The following OPCML variants were observed in gnomAD, a reference collection of about 807,000 sequenced individuals.
OPCML encodes opioid-binding protein/cell adhesion molecule.
A neutral mutation model predicts 37.8 loss-of-function variants in OPCML; 13 were observed. That is an observed-to-expected ratio of 0.34 (90% CI 0.22 to 0.55). The LOEUF (loss-of-function observed/expected upper bound fraction) is 0.55, where lower values mean the gene tolerates loss of function less well. OPCML is among the 20% of genes least tolerant of loss of function. The pLI is 0.91. For missense variants in OPCML, 341 were observed against 435.6 expected, an observed-to-expected ratio of 0.78 and a Z score of 1.93; for synonymous variants, 176 against 168.8, an observed-to-expected ratio of 1.04 and a Z score of -0.33.
At chr11:133,241,106 T>C (rs908196261) in intron 1 of OPCML, among the ~76,000 whole-genome samples, 2 of 152,250 alleles carry the variant, frequency 1.3e-5, no homozygotes, top group African/African-American at 4.8e-5. Flanking sequence ...GGTGCATGTC[T>C]GACGTCATTT....
chr11:132,674,116 T>C (rs1394852506), intron 2 of OPCML, among the ~76,000 whole-genome samples: 2 of 150,376 alleles, frequency 1.3e-5, no homozygotes, highest in African/African-American at 4.9e-5. Flanking sequence ...GGCCAGGAGG[T>C]TTTTCCTTGA....
intron 2 of OPCML, among the ~76,000 whole-genome samples, chr11:132,874,416 CCCTCCCTT>C (rs1942932328): frequency 1.4e-5 from 2 of 145,948 alleles, no homozygotes; most frequent in Admixed American, 1.4e-4. Context: ...CTCCCTCCCT[CCCTCCCTT>C]CCTTCCTTCT....
intron 1 of OPCML, among the ~76,000 whole-genome samples, chr11:133,030,603 C>T (rs978005954): frequency 8.5e-5 from 13 of 152,174 alleles, no homozygotes; most frequent in African/African-American, 2.7e-4. Flanking sequence ...ATATTCACAA[C>T]AGACACAAAA....
At chr11:133,226,642 C>G (rs915386717) in intron 1 of OPCML, among the ~76,000 whole-genome samples, 3 of 152,182 alleles carry the variant, frequency 2.0e-5, no homozygotes, top group African/African-American at 7.2e-5. Context: ...AATTAAATGG[C>G]AAGCAAGCCC....
chr11:133,447,806 A>G (rs1374270605), intron 1 of OPCML, among the ~76,000 whole-genome samples: 1 of 152,214 alleles, frequency 6.6e-6, no homozygotes, highest in East Asian at 1.9e-4. Flanking sequence ...TGTCTTTGCT[A>G]TTGTGAACAG....
chr11:132,427,492 G>T (rs1433171940), intron 7 of OPCML, among the ~76,000 whole-genome samples: 3 of 152,154 alleles, frequency 2.0e-5, no homozygotes, highest in Non-Finnish European at 2.9e-5. Flanking sequence ...CAAACGTGGC[G>T]CTGTGTTGTT....
chr11:133,380,375 A>T lies in OPCML; in HGVS notation c.61+151889T>A, dbSNP rs573422439. 8.6e-5 allele frequency among the ~76,000 whole-genome samples: 13 copies of T among 151,340 alleles called. No homozygotes were observed. The South Asian group carries it at 2.5e-3, about 29-fold the overall frequency. ...ATAATTTCTTCAATAATTCACATTTAAAAAAATTTTCCTAACTGATCTTCA... is the reference window on the plus strand; with the variant it reads ...ATAATTTCTTCAATAATTCACATTTTAAAAAATTTTCCTAACTGATCTTCA... On this transcript the variant is annotated intron_variant, in intron 1 of 7. Coordinates refer to ENST00000524381, the MANE Select transcript of OPCML (RefSeq NM_001012393.5).
At chr11:132,487,620 G>A (rs2096204000) in intron 4 of OPCML, among the ~76,000 whole-genome samples, 1 of 152,166 alleles carries the variant, frequency 6.6e-6, no homozygotes, top group Non-Finnish European at 1.5e-5. Context: ...TTGCTACTAT[G>A]AATGACACTT....
At chr11:132,527,323 G>T (rs2096311130) in intron 4 of OPCML, among the ~76,000 whole-genome samples, 1 of 152,100 alleles carries the variant, frequency 6.6e-6, no homozygotes, top group Admixed American at 6.6e-5. Context: ...TTCCTATAGG[G>T]CTTATATGTT....
intron 1 of OPCML, among the ~76,000 whole-genome samples, chr11:133,488,725 C>T (rs1035755999): frequency 6.6e-6 from 1 of 151,948 alleles, no homozygotes; most frequent in East Asian, 1.9e-4. Context: ...AAAAACAATG[C>T]TAAATCTTAT....
rs562980424 is a variant in OPCML at position 132,434,813 on chromosome 11, T to G, written c.916+1273A>C. Among the ~76,000 whole-genome samples, 107 of 152,320 alleles carry G rather than the reference T, an allele frequency of 7.0e-4. 1 individual carries two copies. In the South Asian group the frequency reaches 9.6e-3, roughly 14 times the overall value. Reference sequence around the variant, plus strand: ...TGACGTCCCCACTGAGACAGTTATCTATTAATCCAGTTGGTCTCTGGGCTG... The same window carrying G: ...TGACGTCCCCACTGAGACAGTTATCGATTAATCCAGTTGGTCTCTGGGCTG... On this transcript the variant is annotated intron_variant, in intron 7 of 7. Coordinates refer to ENST00000524381, the MANE Select transcript of OPCML (RefSeq NM_001012393.5).
chr11:132,546,052 T>A (rs2096367899), intron 3 of OPCML, among the ~76,000 whole-genome samples: 1 of 152,242 alleles, frequency 6.6e-6, no homozygotes, highest in African/African-American at 2.4e-5. Flanking sequence ...TCCCCAGAAG[T>A]CTTCTCAGAA....
intron 2 of OPCML, among the ~76,000 whole-genome samples, chr11:132,724,083 G>A (rs985291908): frequency 6.6e-6 from 1 of 152,054 alleles, no homozygotes; most frequent in Non-Finnish European, 1.5e-5. Context: ...GGAAATTGTG[G>A]GTCATTACTC....
chr11:132,529,274 GT>G, intron 3 of OPCML, 88 bp from the exon 4 acceptor site: 3 of 1,453,012 alleles, frequency 2.1e-6, no homozygotes, highest in East Asian at 2.5e-5. Context: ...TGTATAGCAT[GT>G]TTTTATAATA....
chr11:132,859,070 T>C (rs1166715609), intron 2 of OPCML, among the ~76,000 whole-genome samples: 1 of 152,224 alleles, frequency 6.6e-6, no homozygotes, highest in Non-Finnish European at 1.5e-5. Flanking sequence ...CCTTTCTTCA[T>C]TTCATTTCAG....
chr11:133,507,352 C>T (rs555047051), intron 1 of OPCML, among the ~76,000 whole-genome samples: 2 of 152,304 alleles, frequency 1.3e-5, no homozygotes, highest in East Asian at 3.9e-4. Flanking sequence ...CAATCAATCC[C>T]CATTTTCAAA....
At chr11:132,685,137 G>A (rs1267188392) in intron 2 of OPCML, among the ~76,000 whole-genome samples, 1 of 152,100 alleles carries the variant, frequency 6.6e-6, no homozygotes, top group Non-Finnish European at 1.5e-5. Flanking sequence ...GCTCTAAAAA[G>A]TACTCCTAAT....
intron 2 of OPCML, among the ~76,000 whole-genome samples, chr11:132,852,893 T>A (rs1016246334): frequency 1.3e-5 from 2 of 150,900 alleles, no homozygotes; most frequent in Non-Finnish European, 2.9e-5. Flanking sequence ...GAAAAAATTT[T>A]AAAAGGTTGT....
At chr11:133,421,741 CTG>C in intron 1 of OPCML, 1 of 985,410 alleles carries the variant, frequency 1.0e-6, no homozygotes, top group African/African-American at 1.7e-5. Context: ...AGCAAACAAA[CTG>C]TGGCAATGAC....
Sources: allele counts gnomAD v4.1 joint callset (sites outside exome capture counted in the v4.1 genomes callset), GRCh38; gene constraint gnomAD v4.1.1; transcripts MANE v1.5; gene names NCBI Gene and HGNC (gene_info 2026-07-23, HGNC 2026-07-21).